Variants in TMEM120B observed in about 807,000 individuals in gnomAD.
TMEM120B encodes the protein transmembrane protein 120B.
In TMEM120B, 31 loss-of-function variants were observed where a neutral mutation model predicts 55.5. The observed-to-expected ratio is 0.56, with a 90% CI of 0.42 to 0.75. The LOEUF (loss-of-function observed/expected upper bound fraction) is 0.75. TMEM120B is among the 30% of genes least tolerant of loss of function. The pLI is 0.00. For synonymous variants in TMEM120B, 203 were observed against 176.3 expected, an observed-to-expected ratio of 1.15 and a Z score of -1.20; for missense variants, 399 against 425.5, an observed-to-expected ratio of 0.94 and a Z score of 0.55.
chr12:121,775,207 T>A lies in TMEM120B; in HGVS notation c.906+77T>A. The A allele has an allele frequency of 1.7e-6, 2 of 1,164,324 alleles. No homozygotes were observed. The highest frequency in any genetic ancestry group is 2.6e-5 in the South Asian group (2 of 75,844). 72.1% of individuals were successfully genotyped at this position (1,164,324 alleles called of 1,614,324 possible). A position where few individuals can be genotyped will look rare whatever the true frequency, so the allele number is the denominator to read the frequency against. On this transcript the variant is annotated intron_variant, in intron 11 of 11. Coordinates refer to ENST00000449592, the MANE Select transcript of TMEM120B (RefSeq NM_001080825.2). This position sits in a 1 kb window ranked among gnomAD's most constrained non-coding sequence, Gnocchi z 4.3. ...GCAGGGATGGGGTGTATGTGTGGCA[T>A]GCTGGGGTGCGGATTCCTGGGGAGG... is the stretch of plus-strand genomic sequence containing the variant.
rs1056255561 is a variant in TMEM120B, at chr12:121,775,502, CAGTTTGGG to C, written c.907-98_907-91del. Reference sequence around the variant, plus strand: ...CTCTGCCTTCGATGGCAAAACCCTGCAGTTTGGGAGTTTGGGGGCAGCTGTGCTGGAGA... The same window carrying C: ...CTCTGCCTTCGATGGCAAAACCCTGCAGTTTGGGGGCAGCTGTGCTGGAGA... On this transcript the variant is annotated intron_variant, in intron 11 of 11. Coordinates refer to ENST00000449592, the MANE Select transcript of TMEM120B (RefSeq NM_001080825.2). This position sits in a 1 kb window ranked among gnomAD's most constrained non-coding sequence, Gnocchi z 4.3. 6 of 1,483,662 alleles carry C rather than the reference CAGTTTGGG, an allele frequency of 4.0e-6. No homozygotes were observed. The highest frequency in any genetic ancestry group is 5.4e-6 in the Non-Finnish European group (6 of 1,121,324). The allele number at this position is 1,483,662 out of a possible 1,614,324, so 91.9% of individuals were successfully genotyped here.
At chr12:121,751,957 T>C (rs1008277764) in intron 4 of TMEM120B, among the ~76,000 whole-genome samples, 171 bp from the exon 5 acceptor site, 2 of 152,104 alleles carry the variant, frequency 1.3e-5, no homozygotes, top group Non-Finnish European at 2.9e-5. Context: ...CTTCCCCTCA[T>C]TGGTCACCAC....
Position 121,712,856 on chromosome 12 carries a change from G to C in TMEM120B, c.-40G>C, listed in dbSNP as rs1324339808. 5 of 1,413,870 alleles carry C rather than the reference G, an allele frequency of 3.5e-6. No individual in the cohort carries two copies. The highest frequency in any genetic ancestry group is 3.3e-5 in the Admixed American group (1 of 30,676). 87.6% of individuals were successfully genotyped at this position (1,413,870 alleles called of 1,614,324 possible). ...TGGGGGGCCGGTCGGGCAGCGCTGC[G>C]GGAGCAGCCGCCGGCACCGCCGCCT... On this transcript the variant is annotated 5_prime_UTR_variant, in exon 1 of 12. Transcript: ENST00000449592.
chr12:121,781,230 C>A lies in TMEM120B; in HGVS notation c.*5508C>A, dbSNP rs1368117761. ...AGCAGCGGGGGTCAGGGGACGTCCC[C>A]TCCCTGTCTGGACTCTGACGGGTGA... On this transcript the variant is annotated 3_prime_UTR_variant, in exon 12 of 12. Transcript: ENST00000449592. 2.5e-6 allele frequency: 4 copies of A among 1,587,178 alleles called. No homozygotes were observed. Among genetic ancestry groups the A allele is most frequent in the Non-Finnish European group, 2.6e-6 (3 of 1,156,776 alleles).
intron 1 of TMEM120B, among the ~76,000 whole-genome samples, chr12:121,718,420 C>T (rs1175861328): frequency 6.6e-6 from 1 of 152,148 alleles, no homozygotes; most frequent in Non-Finnish European, 1.5e-5. Flanking sequence ...GCTGAAGAAT[C>T]GCTTGAACCC....
chr12:121,775,250 G>C lies in TMEM120B; in HGVS notation c.906+120G>C. On this transcript the variant is annotated intron_variant, in intron 11 of 11. Coordinates refer to ENST00000449592, the MANE Select transcript of TMEM120B (RefSeq NM_001080825.2). The surrounding 1 kb of genome is among the most constrained non-coding windows in gnomAD (Gnocchi z 4.3). Reference sequence around the variant, plus strand: ...TGGGGAGGGCTGGGATGGCAGATGTGGGGGTGGGGTGTGTGCGTGTGTGTG... The same window carrying C: ...TGGGGAGGGCTGGGATGGCAGATGTCGGGGTGGGGTGTGTGCGTGTGTGTG... The C allele has an allele frequency of 8.9e-7, 1 of 1,122,494 alleles. No individual in the cohort carries two copies. Among genetic ancestry groups the C allele is most frequent in the Non-Finnish European group, 1.3e-6 (1 of 792,758 alleles). The allele number at this position is 1,122,494 out of a possible 1,614,324, so 69.5% of individuals were successfully genotyped here.
chr12:121,748,718 G>C (rs1873181268), intron 3 of TMEM120B, among the ~76,000 whole-genome samples: 1 of 152,208 alleles, frequency 6.6e-6, no homozygotes. Context: ...GAGGGAAACT[G>C]TCCTCTCCCA....
At chr12:121,774,144 T>C (rs925877721) in intron 9 of TMEM120B, among the ~76,000 whole-genome samples, 4 of 152,012 alleles carry the variant, frequency 2.6e-5, no homozygotes, top group African/African-American at 9.7e-5. Context: ...TTAGTAGAAA[T>C]GGGGTTTCAC....
chr12:121,767,461 C>T (rs1873887179), intron 6 of TMEM120B, among the ~76,000 whole-genome samples: 1 of 152,088 alleles, frequency 6.6e-6, no homozygotes, highest in Non-Finnish European at 1.5e-5. Context: ...CGCCCAGCTG[C>T]CCCTGCAAGC....
In TMEM120B at chr12:121,749,553, C is replaced by T. The variant is rs138444761; in HGVS notation, c.306-827C>T. 9.5e-3 allele frequency among the ~76,000 whole-genome samples: 1,451 copies of T among 152,138 alleles called. 14 individuals are homozygous for T. Among genetic ancestry groups the T allele is most frequent in the South Asian group, 0.047 (226 of 4,820 alleles). On this transcript the variant is annotated intron_variant, in intron 3 of 11. Transcript: ENST00000449592. The stretch of plus-strand genomic sequence containing the variant: ...ACAAAATTGGTGTGCTGGTGTGTAC[C>T]CATAATCCCAGCTACTTTGGCGACT...
intron 1 of TMEM120B, among the ~76,000 whole-genome samples, chr12:121,742,767 G>A (rs1174783108): frequency 7.2e-5 from 11 of 152,014 alleles, no homozygotes; most frequent in Middle Eastern, 3.4e-3. Context: ...TAGTAGAGAC[G>A]GGGTTTTGCC....
rs545748486 is a variant in TMEM120B at position 121,758,134 on chromosome 12, T to C, written c.462-3515T>C. The C allele has an allele frequency of 3.0e-6, 3 of 984,826 alleles. No individual in the cohort carries two copies. In the South Asian group the frequency reaches 1.4e-4, roughly 46 times the overall value. The allele number at this position is 984,826 out of a possible 1,614,324, so 61.0% of individuals were successfully genotyped here. On this transcript the variant is annotated intron_variant, in intron 5 of 11. Transcript: ENST00000449592. ...AAAAAATTGCCAAAGACAGAGCCTT[T>C]GTCAGTGCCTCCTCAGACAGACTGG...
chr12:121,735,192 A>C (rs1272186308), intron 1 of TMEM120B, among the ~76,000 whole-genome samples: 1 of 150,676 alleles, frequency 6.6e-6, no homozygotes, highest in Non-Finnish European at 1.5e-5. Context: ...TCTCAAAAAA[A>C]AAAAAAAACA....
chr12:121,718,505 CAAAAAT>C (rs915107711), intron 1 of TMEM120B, among the ~76,000 whole-genome samples: 4 of 151,936 alleles, frequency 2.6e-5, no homozygotes, highest in Non-Finnish European at 4.4e-5. Flanking sequence ...GATCCTGTCT[CAAAAAT>C]AAATGAATGA....
intron 1 of TMEM120B, among the ~76,000 whole-genome samples, chr12:121,717,889 C>G (rs1437470773): frequency 2.0e-5 from 3 of 152,156 alleles, no homozygotes; most frequent in African/African-American, 7.2e-5. Flanking sequence ...AATTCCTGAC[C>G]TTGTGATCCG....
At chr12:121,759,516 G>C (rs2137272933) in intron 5 of TMEM120B, among the ~76,000 whole-genome samples, 1 of 150,232 alleles carries the variant, frequency 6.7e-6, no homozygotes, top group African/African-American at 2.4e-5. Flanking sequence ...TGTCTCTGTT[G>C]AAAATACAAA....
Position 121,750,436 on chromosome 12 carries a change from C to A in TMEM120B, c.362C>A (p.Ala121Asp), listed in dbSNP as rs1329410880. The change falls in exon 4 of 12, where the codon GCC becomes GAC. Residue 121 changes from alanine to aspartate, a missense_variant. By Grantham distance (126) the Ala-to-Asp change is moderately radical (BLOSUM62 -2). Coordinates refer to ENST00000449592, the MANE Select transcript of TMEM120B (RefSeq NM_001080825.2). ...AACGTGACCCTCCTCAGCAACCAGG[C>A]CAAGTAAGTGTCCCCCACCCACCAC... ...NVNVTLLSNQ[A>D]KFAYKDEYEK... 1.2e-6 allele frequency: 2 copies of A among 1,611,950 alleles called. No homozygotes were observed. The highest frequency in any genetic ancestry group is 1.7e-6 in the Non-Finnish European group (2 of 1,179,014).
chr12:121,736,394 T>C (rs1895115946), intron 1 of TMEM120B, among the ~76,000 whole-genome samples: 2 of 151,304 alleles, frequency 1.3e-5, no homozygotes, highest in South Asian at 4.2e-4. Context: ...TGTCTCGATC[T>C]CCTGACCTTG....
Position 121,748,308 on chromosome 12 carries a change from C to T in TMEM120B, c.189-18C>T, listed in dbSNP as rs373404372. The T allele has an allele frequency of 3.1e-6, 5 of 1,597,570 alleles. No homozygotes were observed. Among genetic ancestry groups the T allele is most frequent in the Non-Finnish European group, 4.3e-6 (5 of 1,166,944 alleles). On this transcript the variant is annotated intron_variant, in intron 2 of 11. Coordinates refer to ENST00000449592, the MANE Select transcript of TMEM120B (RefSeq NM_001080825.2). ...CTGAGTGACGCCCCTTCCCCTGTGC[C>T]TGCATCTCTGTCCGCAGGTGCAAAC...
Sources: gnomAD v4.1 joint callset for allele counts (sites outside exome capture counted in the v4.1 genomes callset) on GRCh38, gnomAD v4.1.1 for gene constraint, Gnocchi (gnomAD v3.1) non-coding constraint, MANE v1.5 for transcripts, NCBI Gene and HGNC (gene_info 2026-07-23, HGNC 2026-07-21) for gene names.